Variants in KCNH8 observed in about 807,000 individuals in gnomAD.
The protein encoded by KCNH8 is potassium voltage-gated channel subfamily H member 8.
Under a neutral mutation model 103.6 loss-of-function variants are expected in KCNH8, and 70 were observed. The ratio of observed to expected loss-of-function variants is 0.68; its 90% confidence interval spans 0.56 to 0.82. The LOEUF (loss-of-function observed/expected upper bound fraction) is 0.82. Among genes scored for constraint, KCNH8 ranks in the 40% least tolerant of loss-of-function variants. The pLI is 0.00. For synonymous variants in KCNH8, 498 were observed against 489.4 expected, an observed-to-expected ratio of 1.02 and a Z score of -0.23; for missense variants, 1,217 against 1,329.9, an observed-to-expected ratio of 0.92 and a Z score of 1.32.
intron 11 of KCNH8, among the ~76,000 whole-genome samples, chr3:19,484,258 CTGAG>C (rs1226753436): frequency 2.0e-5 from 3 of 152,134 alleles, no homozygotes; most frequent in African/African-American, 7.2e-5. Flanking sequence ...ATACCTTGTA[CTGAG>C]TGTCATTATA....
At chr3:19,479,638 C>G (rs531753573) in intron 11 of KCNH8, among the ~76,000 whole-genome samples, 9 of 152,214 alleles carry the variant, frequency 5.9e-5, no homozygotes, top group Non-Finnish European at 8.8e-5. Flanking sequence ...ATGGGCACCT[C>G]CAGATGAGTC....
chr3:19,382,076 T>A (rs556559837), intron 5 of KCNH8, among the ~76,000 whole-genome samples: 76 of 152,304 alleles, frequency 5.0e-4, no homozygotes, highest in African/African-American at 1.6e-3. Context: ...GATCAATGCA[T>A]TTTACAGTAT....
At chr3:19,302,729 A>G (rs981398735) in intron 3 of KCNH8, among the ~76,000 whole-genome samples, 2 of 151,786 alleles carry the variant, frequency 1.3e-5, no homozygotes, top group African/African-American at 4.8e-5. Context: ...TTCATCCCCA[A>G]CCCTTTATCA....
chr3:19,532,934 A>G (rs75187628), intron 15 of KCNH8, among the ~76,000 whole-genome samples: 17,651 of 152,060 alleles, frequency 0.12, 1,585 homozygotes, highest in East Asian at 0.26. Flanking sequence ...TTTCTTTTTC[A>G]TGGCTCACGC....
intron 3 of KCNH8, among the ~76,000 whole-genome samples, chr3:19,340,359 T>TAC (rs1553639404): frequency 1.6e-5 from 1 of 63,352 alleles, no homozygotes; most frequent in African/African-American, 8.1e-5. Flanking sequence ...TTTTTTTAAT[T>TAC]TTTTTTTTTT....
At chr3:19,483,804 G>T (rs938727992) in intron 11 of KCNH8, among the ~76,000 whole-genome samples, 1 of 152,036 alleles carries the variant, frequency 6.6e-6, no homozygotes, top group Non-Finnish European at 1.5e-5. Flanking sequence ...TTTCACTGAG[G>T]ATCAAGGGGA....
intron 5 of KCNH8, among the ~76,000 whole-genome samples, chr3:19,353,692 G>T (rs2065837832): frequency 1.3e-5 from 2 of 152,108 alleles, no homozygotes; most frequent in Non-Finnish European, 2.9e-5. Context: ...AGCCCTCCAT[G>T]CTAACAACTC....
At chr3:19,316,741 G>C (rs756156808) in intron 3 of KCNH8, among the ~76,000 whole-genome samples, 35 of 151,910 alleles carry the variant, frequency 2.3e-4, no homozygotes, top group Non-Finnish European at 4.6e-4. Flanking sequence ...AATAGAAAAT[G>C]AATTGGACCT....
intron 7 of KCNH8, among the ~76,000 whole-genome samples, chr3:19,401,667 T>A (rs1474952139): frequency 6.6e-6 from 1 of 151,992 alleles, no homozygotes; most frequent in South Asian, 2.1e-4. Context: ...AAAGACTCAA[T>A]TTTTTTATAT....
At chr3:19,166,616 G>C (rs2063288216) in intron 1 of KCNH8, among the ~76,000 whole-genome samples, 1 of 152,134 alleles carries the variant, frequency 6.6e-6, no homozygotes, top group Admixed American at 6.5e-5. Context: ...ATAAAGTGAA[G>C]AACTTTTCTA....
chr3:19,337,344 A>G (rs991284642), intron 3 of KCNH8, among the ~76,000 whole-genome samples: 1 of 152,132 alleles, frequency 6.6e-6, no homozygotes, highest in Non-Finnish European at 1.5e-5. Flanking sequence ...AATATTGCTA[A>G]TACATGATGT....
At chr3:19,391,435 G>A (rs1052502586) in intron 6 of KCNH8, among the ~76,000 whole-genome samples, 7 of 151,986 alleles carry the variant, frequency 4.6e-5, no homozygotes, top group South Asian at 2.1e-4. Flanking sequence ...CAATTACGGC[G>A]TGTAAAACTT....
At chr3:19,218,787 C>A (rs965733948) in intron 1 of KCNH8, among the ~76,000 whole-genome samples, 1 of 152,220 alleles carries the variant, frequency 6.6e-6, no homozygotes, top group African/African-American at 2.4e-5. Flanking sequence ...CCTCTCCTAG[C>A]TTCTGATAGC....
At chr3:19,433,325 A>C (rs2125167757) in intron 7 of KCNH8, among the ~76,000 whole-genome samples, 1 of 152,308 alleles carries the variant, frequency 6.6e-6, no homozygotes, top group African/African-American at 2.4e-5. Context: ...TGCCATCTTT[A>C]TCCCATCAAT....
chr3:19,458,041 C>T (rs904506872), intron 11 of KCNH8, among the ~76,000 whole-genome samples: 6 of 151,904 alleles, frequency 3.9e-5, no homozygotes, highest in African/African-American at 1.4e-4. Flanking sequence ...TAAAGCATCT[C>T]ATTTATTGCT....
At chr3:19,372,322 C>T (rs1315910471) in intron 5 of KCNH8, among the ~76,000 whole-genome samples, 3 of 150,956 alleles carry the variant, frequency 2.0e-5, no homozygotes, top group African/African-American at 7.3e-5. Flanking sequence ...TGAAGAGGTC[C>T]TTCACATCCC....
Position 19,175,271 on chromosome 3 carries a change from G to T in KCNH8, c.76+26476G>T, listed in dbSNP as rs190483510. 8.7e-3 allele frequency among the ~76,000 whole-genome samples: 1,303 copies of T among 150,060 alleles called. 9 individuals carry two copies. The highest frequency in any genetic ancestry group is 0.012 in the Non-Finnish European group (828 of 67,730). On this transcript the variant is annotated intron_variant, in intron 1 of 15. Transcript: ENST00000328405. ...GAGTCTCGCTCTGTCACCCAGGCTGGAGTGCAGTGGCGCGATCTCGGCTCC... is the reference window on the plus strand; with the variant it reads ...GAGTCTCGCTCTGTCACCCAGGCTGTAGTGCAGTGGCGCGATCTCGGCTCC...
rs377410248 is a variant in KCNH8, at chr3:19,257,156, C to T, written c.310+3269C>T. On this transcript the variant is annotated intron_variant, in intron 2 of 15. Transcript: ENST00000328405. ...TGACTTCAAGTGTCCTCCTTCCTTT[C>T]TTCAAGGATCATTTTCTTTTAATAT... Among the ~76,000 whole-genome samples, 12 of 152,146 alleles carry T rather than the reference C, an allele frequency of 7.9e-5. 1 individual carries two copies. The highest frequency in any genetic ancestry group is 3.9e-4 in the Admixed American group (6 of 15,250).
intron 7 of KCNH8, among the ~76,000 whole-genome samples, chr3:19,432,392 C>A (rs1346875425): frequency 6.6e-6 from 1 of 152,058 alleles, no homozygotes; most frequent in Non-Finnish European, 1.5e-5. Flanking sequence ...CTTCATTTTT[C>A]CTCTCTAGCT....
Sources: gnomAD v4.1 joint callset for allele counts (sites outside exome capture counted in the v4.1 genomes callset) on GRCh38, gnomAD v4.1.1 for gene constraint, MANE v1.5 for transcripts, NCBI Gene and HGNC (gene_info 2026-07-23, HGNC 2026-07-21) for gene names.